DYTN: variants seen among roughly 807,000 people sequenced by gnomAD.
The protein encoded by DYTN is dystrotelin.
DYTN carries 75 observed loss-of-function variants against 69.6 expected under a neutral mutation model. The observed-to-expected ratio is 1.08, with a 90% confidence interval of 0.89 to 1.31. DYTN has a LOEUF of 1.31. DYTN is among the 50% of genes most tolerant of loss of function. DYTN has a pLI of 0.00. For missense variants in DYTN, 726 were observed against 688.4 expected, an observed-to-expected ratio of 1.05 and a Z score of -0.61; for synonymous variants, 252 against 249.1, an observed-to-expected ratio of 1.01 and a Z score of -0.11.
In DYTN at chr2:206,651,865, C is replaced by T. The variant is rs201639314; in HGVS notation, c.1690G>A (p.Ala564Thr). 1.5e-4 allele frequency: 242 copies of T among 1,613,636 alleles called. No homozygotes were observed. In the East Asian group the frequency reaches 3.9e-3, roughly 26 times the overall value. The change falls in exon 12 of 12, where the codon GCC becomes ACC. Residue 564 changes from alanine (A) to threonine (T), a missense_variant. Physicochemically the swap from Ala to Thr is moderately conservative, Grantham distance 58. Transcript: ENST00000452335. ...LYSGAQRVCR[A>T]FSALVDQIAL... ...ATTTGATCAACAAGGGCAGAGAAGG[C>T]CCTGCACACTCGCTGAGCTCCACTG...
intron 1 of DYTN, among the ~76,000 whole-genome samples, chr2:206,714,936 C>T (rs1700113003): frequency 6.6e-6 from 1 of 151,930 alleles, no homozygotes; most frequent in South Asian, 2.1e-4. Flanking sequence ...TTAACTCAGC[C>T]TAAATTTCTT....
intron 9 of DYTN, among the ~76,000 whole-genome samples, chr2:206,670,125 T>C (rs748304143): frequency 1.3e-5 from 2 of 152,200 alleles, no homozygotes; most frequent in Non-Finnish European, 2.9e-5. Flanking sequence ...AGTAGAAAGT[T>C]AGAATGCTGT....
chr2:206,692,425 C>G (rs13032004), intron 9 of DYTN, among the ~76,000 whole-genome samples: 9,796 of 152,086 alleles, frequency 0.064, 428 homozygotes, highest in Non-Finnish European at 0.085. Context: ...GCAGGCTGTG[C>G]CCCTCTGGAG....
In DYTN at chr2:206,694,809, T is replaced by C. The variant is rs1699902882; in HGVS notation, c.788A>G (p.Lys263Arg). 6.2e-7 allele frequency: 1 copy of C among 1,611,710 alleles called. No homozygotes were observed. Among genetic ancestry groups the C allele is most frequent in the East Asian group, 2.2e-5 (1 of 44,830 alleles). The part of the protein sequence containing the change: ...QMCFLSGLHS[K>R]SHQKSHPVIE... Reference sequence around the variant, plus strand: ...GACAGGATGAGACTTCTGATGGGACTTGCTGTGAAGACCAGATAAGAAACA... The same window carrying C: ...GACAGGATGAGACTTCTGATGGGACCTGCTGTGAAGACCAGATAAGAAACA... Residue 263 changes from lysine to arginine, a missense_variant, in exon 8 of 12, where the codon AAG (lysine) becomes AGG (arginine). Lys to Arg is a conservative substitution (Grantham distance 26, BLOSUM62 2). Coordinates refer to ENST00000452335, the MANE Select transcript of DYTN (RefSeq NM_001093730.1).
intron 2 of DYTN, 52 bp from the exon 3 acceptor site, chr2:206,707,555 G>T: frequency 6.6e-7 from 1 of 1,525,680 alleles, no homozygotes; most frequent in Non-Finnish European, 8.9e-7. Flanking sequence ...GGAACAAAAG[G>T]CTTCAAATAA....
chr2:206,689,949 G>A (rs1699847668), intron 9 of DYTN, among the ~76,000 whole-genome samples: 1 of 152,048 alleles, frequency 6.6e-6, no homozygotes, highest in Admixed American at 6.5e-5. Context: ...ATAGATTCTG[G>A]CAATACAACT....
chr2:206,680,204 G>A (rs1169969779), intron 9 of DYTN, among the ~76,000 whole-genome samples: 1 of 152,190 alleles, frequency 6.6e-6, no homozygotes, highest in Non-Finnish European at 1.5e-5. Flanking sequence ...CGTCTTACAT[G>A]GCAGCAGGCA....
intron 11 of DYTN, among the ~76,000 whole-genome samples, chr2:206,652,262 G>A (rs1362061801): frequency 6.6e-6 from 1 of 152,162 alleles, no homozygotes; most frequent in African/African-American, 2.4e-5. Context: ...CACCTACAGA[G>A]TTCAGATTCT....
intron 1 of DYTN, among the ~76,000 whole-genome samples, chr2:206,714,944 CT>C (rs373615386): frequency 0.013 from 1,854 of 145,274 alleles, 24 homozygotes; most frequent in African/African-American, 0.036. Context: ...GCCTAAATTT[CT>C]TTTTTTTTTT....
intron 9 of DYTN, among the ~76,000 whole-genome samples, chr2:206,689,665 C>T (rs1438604723): frequency 1.3e-5 from 2 of 152,132 alleles, no homozygotes; most frequent in South Asian, 4.1e-4. Flanking sequence ...AAACTGAGTC[C>T]TAGAAAAGTG....
chr2:206,663,597 C>G (rs1699537717), intron 10 of DYTN, among the ~76,000 whole-genome samples: 1 of 152,114 alleles, frequency 6.6e-6, no homozygotes, highest in African/African-American at 2.4e-5. Flanking sequence ...GCTGGAACAG[C>G]TCAGATTCTA....
At chr2:206,673,614 G>A (rs1480997025) in intron 9 of DYTN, among the ~76,000 whole-genome samples, 3 of 152,160 alleles carry the variant, frequency 2.0e-5, no homozygotes, top group Non-Finnish European at 2.9e-5. Flanking sequence ...GCAAGTTAAG[G>A]CCCTCTGGGC....
At chr2:206,717,842 A>G (rs1240027040) in intron 1 of DYTN, among the ~76,000 whole-genome samples, 2 of 152,254 alleles carry the variant, frequency 1.3e-5, no homozygotes, top group African/African-American at 4.8e-5. Flanking sequence ...TAAAATTTTC[A>G]TATAGTGACA....
rs781673633 is a variant in DYTN, at chr2:206,705,880, A to G, written c.297-7T>C. ...GAGAAAACCTGTTCCTTTGCTGCAC[A>G]GTAACAAAATACAGAGACAAGAATG... On this transcript the variant is annotated splice_polypyrimidine_tract_variant and splice_region_variant and intron_variant, in intron 3 of 11. Coordinates refer to ENST00000452335, the MANE Select transcript of DYTN (RefSeq NM_001093730.1). The G allele has an allele frequency of 3.1e-6, 5 of 1,613,320 alleles. No individual in the cohort carries two copies. In the African/African-American group the frequency reaches 6.7e-5, roughly 22 times the overall value.
At chr2:206,661,660 T>C (rs934408028) in intron 11 of DYTN, among the ~76,000 whole-genome samples, 2 of 152,206 alleles carry the variant, frequency 1.3e-5, no homozygotes, top group African/African-American at 4.8e-5. Flanking sequence ...ACATTTTCTT[T>C]TTTCGAGCTT....
chr2:206,672,412 C>A (rs1284311917), intron 9 of DYTN, among the ~76,000 whole-genome samples: 1 of 152,176 alleles, frequency 6.6e-6, no homozygotes, highest in East Asian at 1.9e-4. Flanking sequence ...GTTTTTCCAT[C>A]CTCGTTTGTT....
intron 9 of DYTN, among the ~76,000 whole-genome samples, chr2:206,672,463 A>G (rs994391478): frequency 6.6e-6 from 1 of 152,172 alleles, no homozygotes; most frequent in African/African-American, 2.4e-5. Context: ...GTCCTCATAC[A>G]TCAGTCCAGC....
chr2:206,701,625 G>A (rs1487257202), intron 5 of DYTN, among the ~76,000 whole-genome samples: 3 of 152,174 alleles, frequency 2.0e-5, no homozygotes, highest in African/African-American at 4.8e-5. Context: ...GATGCCAGGG[G>A]CTGAGGACAG....
intron 9 of DYTN, among the ~76,000 whole-genome samples, chr2:206,685,425 A>C (rs1699795890): frequency 6.6e-6 from 1 of 152,196 alleles, no homozygotes; most frequent in South Asian, 2.1e-4. Flanking sequence ...TGCCTCCCAA[A>C]GTGCTGGGAT....
Sources: gnomAD v4.1 joint callset for allele counts (sites outside exome capture counted in the v4.1 genomes callset) on GRCh38, gnomAD v4.1.1 for gene constraint, MANE v1.5 for transcripts, NCBI Gene and HGNC (gene_info 2026-07-23, HGNC 2026-07-21) for gene names.